Variants in GBP5 observed in about 807,000 individuals in gnomAD.
GBP5 encodes guanylate-binding protein 5.
GBP5 carries 48 observed loss-of-function variants against 58.2 expected under a neutral mutation model. The observed-to-expected ratio is 0.83, with a 90% confidence interval of 0.65 to 1.05. GBP5 has a LOEUF of 1.05. GBP5 is among the 50% of genes least tolerant of loss of function. The pLI, the probability that GBP5 is intolerant of heterozygous loss-of-function variation, is 0.00. For missense variants in GBP5, 714 were observed against 686.8 expected, an observed-to-expected ratio of 1.04 and a Z score of -0.44; for synonymous variants, 248 against 251.8, an observed-to-expected ratio of 0.98 and a Z score of 0.14.
chr1:89,265,072 T>C, intron 7 of GBP5, 106 bp from the exon 8 acceptor site: 1 of 1,112,298 alleles, frequency 9.0e-7, no homozygotes, highest in Admixed American at 2.2e-5. Flanking sequence ...CCTGAAATTG[T>C]TTAGCATTAT....
chr1:89,272,130 T>G (rs991742213), intron 1 of GBP5: 1 of 152,248 alleles, frequency 6.6e-6, no homozygotes, highest in Non-Finnish European at 1.5e-5. Flanking sequence ...CGAGTCAGTT[T>G]AATCAGATTT....
rs1374011484 is a variant in GBP5 at position 89,268,865 on chromosome 1, G to A, written c.191-9C>T. On this transcript the variant is annotated splice_polypyrimidine_tract_variant and intron_variant, in intron 3 of 11. Coordinates refer to ENST00000370459, the MANE Select transcript of GBP5 (RefSeq NM_052942.5). ...AGATGCAACAGAGAAGCCTGTCAGG[G>A]GGAGTGAGAGGTTGTAATAGAAGAG... 4 of 1,612,696 alleles carry A rather than the reference G, an allele frequency of 2.5e-6. No individual in the cohort carries two copies. Among genetic ancestry groups the A allele is most frequent in the Middle Eastern group, 1.7e-4 (1 of 6,058 alleles).
At position 89,257,619 on chromosome 1, in the gene GBP5, A is replaced by G. The variant is rs552081586; in HGVS notation, c.*3085T>C. On this transcript the variant is annotated 3_prime_UTR_variant, in exon 12 of 12. Transcript: ENST00000370459. ...ATTGATAATATTGTTTAAAATAACA[A>G]TTGCCATAAAACAATACTAAATGTT... is the stretch of plus-strand genomic sequence containing the variant. 7.9e-5 allele frequency among the ~76,000 whole-genome samples: 12 copies of G among 152,348 alleles called. No individual in the cohort carries two copies. Among genetic ancestry groups the G allele is most frequent in the African/African-American group, 2.2e-4 (9 of 41,576 alleles).
intron 7 of GBP5, among the ~76,000 whole-genome samples, chr1:89,265,913 G>A (rs1047787671): frequency 2.6e-5 from 4 of 152,062 alleles, no homozygotes; most frequent in African/African-American, 9.7e-5. Flanking sequence ...CCAAAAGTCT[G>A]CTTAGATTTC....
chr1:89,271,543 T>C (rs1650452436), intron 1 of GBP5: 2 of 152,228 alleles, frequency 1.3e-5, no homozygotes, highest in Non-Finnish European at 2.9e-5. Context: ...AGAAAACATC[T>C]GTTTTCAGCC....
chr1:89,267,607 T>C (rs1353227103), intron 4 of GBP5, 81 bp from the exon 5 acceptor site: 2 of 805,626 alleles, frequency 2.5e-6, no homozygotes, highest in Admixed American at 2.0e-5. Context: ...TTGTCATAAA[T>C]GTTTAACAAG....
chr1:89,261,860 GA>G, intron 11 of GBP5, among the ~76,000 whole-genome samples: 1 of 152,268 alleles, frequency 6.6e-6, no homozygotes, highest in South Asian at 2.1e-4. Flanking sequence ...AAGTCAACAG[GA>G]AAGACCAGTT....
chr1:89,262,906 A>T, intron 9 of GBP5, 121 bp from the exon 10 acceptor site: 2 of 611,316 alleles, frequency 3.3e-6, no homozygotes, highest in Non-Finnish European at 5.5e-6. Context: ...GCCATAGGAG[A>T]GGCTCCATAG....
chr1:89,267,206 A>T, intron 5 of GBP5, 53 bp from the exon 6 acceptor site: 1 of 1,420,082 alleles, frequency 7.0e-7, no homozygotes, highest in Middle Eastern at 1.9e-4. Flanking sequence ...CTAAACCCAT[A>T]CTTAATTCCA....
At position 89,269,437 on chromosome 1, in the gene GBP5, A is replaced by G. The variant is rs753621187; in HGVS notation, c.119T>C (p.Val40Ala). The G allele has an allele frequency of 6.9e-5, 111 of 1,614,002 alleles. No individual in the cohort carries two copies. Among genetic ancestry groups the G allele is most frequent in the Non-Finnish European group, 9.0e-5 (106 of 1,180,014 alleles). ...GCGATAGAGGCCCACAATCGCTACC[A>G]CAACTACAGGTTGCGTAATGGCAGA... ...ILSAITQPVVVVAIVGLYRTG... is the reference protein window; with the variant it reads ...ILSAITQPVVAVAIVGLYRTG... Residue 40 changes from valine (V) to alanine (A), a missense_variant, in exon 3 of 12, where the codon GTG becomes GCG. By Grantham distance (64) the Val-to-Ala change is moderately conservative. Coordinates refer to ENST00000370459, the MANE Select transcript of GBP5 (RefSeq NM_052942.5).
Position 89,262,248 on chromosome 1 carries a change from T to C in GBP5, c.1619A>G (p.Gln540Arg), listed in dbSNP as rs748949262. 1 of 1,614,218 alleles carries C rather than the reference T, an allele frequency of 6.2e-7. No individual in the cohort carries two copies. Among genetic ancestry groups the C allele is most frequent in the Non-Finnish European group, 8.5e-7 (1 of 1,180,018 alleles). The change falls in exon 11 of 12, where the codon CAA (glutamine) becomes CGA (arginine). Residue 540 changes from glutamine to arginine, a missense_variant. Physicochemically the swap from Gln to Arg is conservative, Grantham distance 43. Transcript: ENST00000370459. ...EIAKQNWLAE[Q>R]QKMQEQQMQE... ...CATCTGTTGTTCCTGCATTTTCTGT[T>C]GCTCTGCCAGCCAATTTTGTTTGGC...
At chr1:89,267,559 A>T (rs373309588) in intron 4 of GBP5, 33 bp from the exon 5 acceptor site, 10 of 1,341,520 alleles carry the variant, frequency 7.5e-6, no homozygotes, top group Non-Finnish European at 1.1e-5. Context: ...GTCATGTCTC[A>T]TGGGATTCCC....
chr1:89,262,508 GT>G, intron 10 of GBP5, 107 bp from the exon 11 acceptor site: 1 of 1,102,744 alleles, frequency 9.1e-7, no homozygotes. Context: ...CCCAGGGGTT[GT>G]TTTTCCCTTC....
intron 7 of GBP5, among the ~76,000 whole-genome samples, chr1:89,265,844 G>A (rs1650192463): frequency 6.6e-6 from 1 of 151,486 alleles, no homozygotes; most frequent in Non-Finnish European, 1.5e-5. Flanking sequence ...TTTGTTTCCA[G>A]TCAACTTCCT....
At position 89,268,764 on chromosome 1, in the gene GBP5, G is replaced by C. The variant is rs201298103; in HGVS notation, c.283C>G (p.Leu95Val). The change falls in exon 4 of 12, where the codon CTG becomes GTG. Residue 95 changes from leucine (L) to valine (V), a missense_variant. Leu to Val is a conservative substitution (Grantham distance 32, BLOSUM62 1). Coordinates refer to ENST00000370459, the MANE Select transcript of GBP5 (RefSeq NM_052942.5). The part of the protein sequence containing the change: ...HPNWPNHTLV[L>V]LDTEGLGDVE... ...TCTCCCAGGCCCTCGGTGTCAAGCA[G>C]AACTAATGTGTGATTTGGCCAGTTG... 1.3e-5 allele frequency: 21 copies of C among 1,613,870 alleles called. No homozygotes were observed. The highest frequency in any genetic ancestry group is 1.2e-5 in the Non-Finnish European group (14 of 1,179,970).
chr1:89,271,820 A>T (rs1411099884), intron 1 of GBP5: 1 of 152,222 alleles, frequency 6.6e-6, no homozygotes, highest in East Asian at 1.9e-4. Flanking sequence ...GTGATTCATA[A>T]TAGTAAAGGC....
intron 6 of GBP5, 58 bp from the exon 7 acceptor site, chr1:89,266,646 T>TCAAGG: frequency 4.8e-6 from 7 of 1,451,816 alleles, no homozygotes; most frequent in Non-Finnish European, 6.6e-6. Context: ...TTTCATTTAT[T>TCAAGG]TACCTTGAAT....
chr1:89,261,894 GT>G (rs1027918681), intron 11 of GBP5, among the ~76,000 whole-genome samples: 11 of 152,276 alleles, frequency 7.2e-5, no homozygotes, highest in African/African-American at 2.4e-4. Context: ...AAATGCCTTG[GT>G]TTTTATTTAA....
intron 1 of GBP5, chr1:89,271,744 G>A (rs1348255896): frequency 6.6e-6 from 1 of 152,180 alleles, no homozygotes; most frequent in East Asian, 1.9e-4. Flanking sequence ...TCAAAGGAGA[G>A]AATTTCAACG....
Sources: gnomAD v4.1 joint callset for allele counts (sites outside exome capture counted in the v4.1 genomes callset) on GRCh38, gnomAD v4.1.1 for gene constraint, MANE v1.5 for transcripts, NCBI Gene and HGNC (gene_info 2026-07-23, HGNC 2026-07-21) for gene names.